The following ASPH variants were observed in gnomAD, a reference collection of about 807,000 sequenced individuals.
ASPH encodes aspartate beta-hydroxylase.
A neutral mutation model predicts 118.4 loss-of-function variants in ASPH; 100 were observed. The ratio of observed to expected loss-of-function variants is 0.84; its 90% CI spans 0.72 to 1.00. ASPH has a LOEUF of 1.00. Ranked by LOEUF, ASPH falls within the 50% of genes least tolerant of loss-of-function variation. The pLI is 0.00. For synonymous variants in ASPH, 315 were observed against 325.6 expected (o/e 0.97, Z 0.35); for missense variants, 920 against 919.5 (o/e 1.00, Z -0.01).
At chr8:61,636,811 A>C (rs1857999322) in intron 12 of ASPH, among the ~76,000 whole-genome samples, 1 of 152,128 alleles carries the variant, frequency 6.6e-6, no homozygotes, top group Non-Finnish European at 1.5e-5. Flanking sequence ...AGACTCAGTA[A>C]TATTCTTCAG....
intron 23 of ASPH, 49 bp from the exon 24 acceptor site, chr8:61,517,710 G>A (rs376068092): frequency 6.3e-6 from 10 of 1,590,494 alleles, no homozygotes; most frequent in Non-Finnish European, 6.9e-6. Context: ...AAGGTGTGGA[G>A]GAACTGCTAA....
chr8:61,678,228 T>G lies in ASPH; in HGVS notation c.322+2740A>C, dbSNP rs183378871. ...GACAAAAGGACAACCACATGATCCT[T>G]AGGTGGTGTCACTCTAAGGATTTAG... is the stretch of plus-strand genomic sequence containing the variant. On this transcript the variant is annotated intron_variant, in intron 3 of 24. Coordinates refer to ENST00000379454, the MANE Select transcript of ASPH (RefSeq NM_004318.4). 9.5e-4 allele frequency among the ~76,000 whole-genome samples: 145 copies of G among 152,264 alleles called. 1 individual carries two copies. The highest frequency in any genetic ancestry group is 3.3e-3 in the Admixed American group (50 of 15,276).
intron 21 of ASPH, among the ~76,000 whole-genome samples, chr8:61,544,482 A>G (rs929126341): frequency 2.0e-5 from 3 of 152,194 alleles, no homozygotes; most frequent in African/African-American, 7.2e-5. Context: ...AATTTCAAGA[A>G]AATGAATACC....
chr8:61,539,786 T>A (rs1242136784), intron 21 of ASPH, among the ~76,000 whole-genome samples: 1 of 148,398 alleles, frequency 6.7e-6, no homozygotes, highest in Non-Finnish European at 1.5e-5. Flanking sequence ...CTACCTACTC[T>A]AACAGTTTTG....
chr8:61,511,623 G>A (rs1808854217), intron 24 of ASPH, among the ~76,000 whole-genome samples: 1 of 152,160 alleles, frequency 6.6e-6, no homozygotes, highest in African/African-American at 2.4e-5. Context: ...TTCTTTTTGA[G>A]ATGAAGTTTC....
chr8:61,691,829 G>A (rs1000907337), intron 1 of ASPH, among the ~76,000 whole-genome samples: 5 of 152,268 alleles, frequency 3.3e-5, no homozygotes, highest in East Asian at 1.9e-4. Context: ...TGATTCAATC[G>A]TGACTAGTGC....
chr8:61,524,952 C>A (rs1358967659), intron 22 of ASPH, among the ~76,000 whole-genome samples: 1 of 151,984 alleles, frequency 6.6e-6, no homozygotes, highest in Non-Finnish European at 1.5e-5. Flanking sequence ...TAGCATATTG[C>A]CCAAATATGG....
intron 5 of ASPH, among the ~76,000 whole-genome samples, chr8:61,649,257 A>G (rs1212419894): frequency 6.6e-6 from 1 of 152,146 alleles, no homozygotes; most frequent in Non-Finnish European, 1.5e-5. Context: ...GAGAAGAAAA[A>G]TCAAAGAAAA....
Position 61,643,289 on chromosome 8 carries a change from T to C in ASPH, c.757+97A>G, listed in dbSNP as rs1161665461. ...TGCATTAGATGTCGAAATTACTTCT[T>C]TGATGCCTTTAAAAGAAAAATCACC... is the stretch of plus-strand genomic sequence containing the variant. On this transcript the variant is annotated intron_variant, in intron 9 of 24. Coordinates refer to ENST00000379454, the MANE Select transcript of ASPH (RefSeq NM_004318.4). 3 of 1,227,432 alleles carry C rather than the reference T, an allele frequency of 2.4e-6. No individual in the cohort carries two copies. The African/African-American group carries it at 4.6e-5, about 19-fold the overall frequency. 76.0% of individuals were successfully genotyped at this position (1,227,432 alleles called of 1,614,324 possible).
chr8:61,663,978 G>A, intron 3 of ASPH: 2 of 862,188 alleles, frequency 2.3e-6, no homozygotes, highest in Non-Finnish European at 2.8e-6. Flanking sequence ...TCATAAAAAA[G>A]TAAATAAATA....
intron 18 of ASPH, among the ~76,000 whole-genome samples, chr8:61,557,588 C>T (rs994036289): frequency 1.1e-4 from 16 of 152,202 alleles, no homozygotes; most frequent in African/African-American, 3.9e-4. Flanking sequence ...CTTCATAGCA[C>T]TTATCACCGT....
chr8:61,548,781 T>G (rs928713327), intron 20 of ASPH, among the ~76,000 whole-genome samples: 6 of 152,166 alleles, frequency 3.9e-5, no homozygotes, highest in African/African-American at 1.4e-4. Flanking sequence ...AATACAGTGA[T>G]AGCCCATTTT....
chr8:61,528,157 T>TA (rs1816191513), intron 21 of ASPH, among the ~76,000 whole-genome samples: 1 of 152,178 alleles, frequency 6.6e-6, no homozygotes, highest in Non-Finnish European at 1.5e-5. Context: ...AGGTTCCATA[T>TA]TACTTCATCC....
At chr8:61,624,815 C>T in intron 13 of ASPH, 1 of 985,512 alleles carries the variant, frequency 1.0e-6, no homozygotes, top group Non-Finnish European at 1.2e-6. Context: ...TAAAAAGTAG[C>T]TTCTATAATT....
chr8:61,624,123 A>T, intron 13 of ASPH: 1 of 675,752 alleles, frequency 1.5e-6, no homozygotes, highest in Non-Finnish European at 1.8e-6. Context: ...AGCAAAACAG[A>T]GTTACTATAG....
Position 61,502,413 on chromosome 8 carries a change from C to G in ASPH, c.*946G>C, listed in dbSNP as rs552367493. Reference sequence around the variant, plus strand: ...GACATTCACATGGATCTACCATAGGCAAAGACACTGTGTTCCCAGCCCTTG... The same window carrying G: ...GACATTCACATGGATCTACCATAGGGAAAGACACTGTGTTCCCAGCCCTTG... On this transcript the variant is annotated 3_prime_UTR_variant, in exon 25 of 25. Transcript: ENST00000379454. The G allele has an allele frequency of 6.6e-5, 10 of 152,302 alleles. No homozygotes were observed. The highest frequency in any genetic ancestry group is 2.0e-4 in the Admixed American group (3 of 15,294). 9.4% of individuals were successfully genotyped at this position (152,302 alleles called of 1,614,324 possible). A position where few individuals can be genotyped will look rare whatever the true frequency, so the allele number is the denominator to read the frequency against.
intron 5 of ASPH, 140 bp from the exon 6 acceptor site, chr8:61,647,018 T>C: frequency 9.2e-7 from 1 of 1,092,540 alleles, no homozygotes. Flanking sequence ...CATTGTCCAC[T>C]CCACAGCTAT....
At chr8:61,695,526 C>G (rs1833718636) in intron 1 of ASPH, among the ~76,000 whole-genome samples, 1 of 152,194 alleles carries the variant, frequency 6.6e-6, no homozygotes, top group Non-Finnish European at 1.5e-5. Context: ...ACCCCCACAC[C>G]CCAGCTATTG....
intron 22 of ASPH, among the ~76,000 whole-genome samples, chr8:61,522,250 T>A (rs762963690): frequency 6.6e-6 from 1 of 152,226 alleles, no homozygotes; most frequent in Non-Finnish European, 1.5e-5. Context: ...CTAATGAAAC[T>A]ACTTGGATAC....
Sources: gnomAD v4.1 joint callset for allele counts (sites outside exome capture counted in the v4.1 genomes callset) on GRCh38, gnomAD v4.1.1 for gene constraint, MANE v1.5 for transcripts, NCBI Gene and HGNC (gene_info 2026-07-23, HGNC 2026-07-21) for gene names.